The following LRP1B variants were observed in gnomAD, a reference collection of about 807,000 sequenced individuals.
The protein encoded by LRP1B is low-density lipoprotein receptor-related protein 1B.
In LRP1B, 217 loss-of-function variants were observed where a neutral mutation model predicts 556.6. That is an observed-to-expected ratio of 0.39 (90% CI 0.35 to 0.44). The LOEUF is 0.44. Among genes scored for constraint, LRP1B ranks in the 20% least tolerant of loss-of-function variants. The pLI, the probability that LRP1B is intolerant of heterozygous loss-of-function variation, is 1.00. For missense variants in LRP1B, 5,053 were observed against 5,620.8 expected, an observed-to-expected ratio of 0.90 and a Z score of 3.23; for synonymous variants, 2,047 against 1,865.8, an observed-to-expected ratio of 1.10 and a Z score of -2.50.
chr2:140,676,082 A>AT (rs1474763973), intron 41 of LRP1B, among the ~76,000 whole-genome samples: 1 of 152,216 alleles, frequency 6.6e-6, no homozygotes, highest in Non-Finnish European at 1.5e-5. Context: ...ACTGTATTAA[A>AT]TGTAAAACTA....
intron 2 of LRP1B, among the ~76,000 whole-genome samples, chr2:141,797,828 A>T (rs1695873816): frequency 6.6e-6 from 1 of 152,188 alleles, no homozygotes; most frequent in South Asian, 2.1e-4. Flanking sequence ...GAAAATATTT[A>T]CCTGGTCAGA....
chr2:141,745,178 A>G (rs1574312473), intron 2 of LRP1B, among the ~76,000 whole-genome samples: 1 of 151,906 alleles, frequency 6.6e-6, no homozygotes, highest in Non-Finnish European at 1.5e-5. Flanking sequence ...AAGGCCCACT[A>G]TAACCACTAC....
rs140125044 is a variant in LRP1B, at chr2:141,542,274, A to G, written c.206-61741T>C. Among the ~76,000 whole-genome samples, 323 of 152,114 alleles carry G rather than the reference A, an allele frequency of 2.1e-3. 1 individual carries two copies. The highest frequency in any genetic ancestry group is 7.5e-3 in the African/African-American group (313 of 41,572). On this transcript the variant is annotated intron_variant, in intron 2 of 90. Transcript: ENST00000389484. ...TCTAACTTTATTTTTAAGATTAAAT[A>G]AAGTAATTTAACTAAAAGAATTAGG... is the stretch of plus-strand genomic sequence containing the variant.
chr2:140,751,149 T>C (rs1426089500), intron 35 of LRP1B, among the ~76,000 whole-genome samples: 1 of 148,408 alleles, frequency 6.7e-6, no homozygotes, highest in East Asian at 2.0e-4. Context: ...CCTGCCATCA[T>C]GCCTGGCTAA....
chr2:141,288,146 C>T (rs1356814155), intron 3 of LRP1B, among the ~76,000 whole-genome samples: 1 of 151,868 alleles, frequency 6.6e-6, no homozygotes. Flanking sequence ...ATATATTATA[C>T]AGCTTGTAGA....
chr2:140,316,192 TGAGA>T (rs1176661768), intron 82 of LRP1B, among the ~76,000 whole-genome samples: 1 of 152,140 alleles, frequency 6.6e-6, no homozygotes, highest in South Asian at 2.1e-4. Context: ...CAAAACTGAT[TGAGA>T]AAGTTGTAAT....
At chr2:141,032,975 TGCATCACA>T (rs763350200) in intron 11 of LRP1B, among the ~76,000 whole-genome samples, 3 of 151,778 alleles carry the variant, frequency 2.0e-5, no homozygotes, top group Non-Finnish European at 4.4e-5. Context: ...CAACAAAAGA[TGCATCACA>T]GCAAGGGGCC....
intron 11 of LRP1B, among the ~76,000 whole-genome samples, chr2:141,048,376 T>A (rs1016617432): frequency 6.6e-5 from 10 of 152,254 alleles, no homozygotes; most frequent in African/African-American, 2.2e-4. Context: ...AAATAATTTA[T>A]AATATACATT....
At chr2:141,941,548 A>T (rs1315818527) in intron 1 of LRP1B, among the ~76,000 whole-genome samples, 1 of 152,142 alleles carries the variant, frequency 6.6e-6, no homozygotes, top group Admixed American at 6.6e-5. Context: ...TCTCTGAGAA[A>T]AAGTAGAGGT....
Position 140,776,225 on chromosome 2 carries a change from CCA to C in LRP1B, c.5371_5372del (p.Trp1791ValfsTer26). The C allele has an allele frequency of 1.3e-6, 2 of 1,589,328 alleles. No homozygotes were observed. The highest frequency in any genetic ancestry group is 1.7e-6 in the Non-Finnish European group (2 of 1,169,290). ...TALTIMDKKL[W>X]WADQNLAQLG... ...GCTGGGCTAAGTTTTGGTCTGCCCA[CCA>C]CAGTTTCTTATCTAGAAAAAGGAAA... On this transcript the variant is annotated frameshift_variant, in exon 33 of 91. Transcript: ENST00000389484. LOFTEE classifies it high-confidence loss of function.
At chr2:140,593,908 TGTAA>T (rs1682327591) in intron 43 of LRP1B, among the ~76,000 whole-genome samples, 1 of 152,178 alleles carries the variant, frequency 6.6e-6, no homozygotes, top group Non-Finnish European at 1.5e-5. Context: ...AAATATGAGT[TGTAA>T]GTGTGAGTTG....
At chr2:141,368,596 T>C (rs1559033452) in intron 3 of LRP1B, among the ~76,000 whole-genome samples, 1 of 152,246 alleles carries the variant, frequency 6.6e-6, no homozygotes, top group Admixed American at 6.5e-5. Context: ...GCATAATGGA[T>C]ACCTCACATG....
intron 2 of LRP1B, among the ~76,000 whole-genome samples, chr2:141,786,155 G>A (rs908352689): frequency 5.3e-5 from 8 of 151,928 alleles, no homozygotes; most frequent in African/African-American, 1.9e-4. Context: ...TTATATTCAT[G>A]TGAAAGAAGA....
intron 3 of LRP1B, among the ~76,000 whole-genome samples, chr2:141,460,006 T>C (rs898651049): frequency 6.6e-6 from 1 of 152,184 alleles, no homozygotes; most frequent in Non-Finnish European, 1.5e-5. Context: ...GTGTCTCATA[T>C]TGGTCTCAGA....
At chr2:140,611,061 C>G (rs1683056328) in intron 41 of LRP1B, among the ~76,000 whole-genome samples, 1 of 152,216 alleles carries the variant, frequency 6.6e-6, no homozygotes, top group African/African-American at 2.4e-5. Flanking sequence ...CACAAAGCTA[C>G]AGCCAATTAT....
intron 3 of LRP1B, among the ~76,000 whole-genome samples, chr2:141,344,986 G>A (rs1454942382): frequency 1.3e-5 from 2 of 152,148 alleles, no homozygotes; most frequent in African/African-American, 4.8e-5. Flanking sequence ...ACATTGAGAT[G>A]AAGAGATGAT....
intron 85 of LRP1B, among the ~76,000 whole-genome samples, chr2:140,274,148 T>G (rs1341885699): frequency 6.6e-6 from 1 of 151,988 alleles, no homozygotes; most frequent in Non-Finnish European, 1.5e-5. Context: ...ATGCCAGCAT[T>G]TCTTGCTTAC....
chr2:141,086,652 GTGTGTGTC>G (rs148927279), intron 7 of LRP1B, among the ~76,000 whole-genome samples: 2 of 129,818 alleles, frequency 1.5e-5, no homozygotes, highest in African/African-American at 5.3e-5. Flanking sequence ...GTGTGTGTGT[GTGTGTGTC>G]AGTCAAGAAC....
chr2:141,457,271 A>G (rs1681670251), intron 3 of LRP1B, among the ~76,000 whole-genome samples: 1 of 152,146 alleles, frequency 6.6e-6, no homozygotes, highest in Non-Finnish European at 1.5e-5. Context: ...AAGGTGACAT[A>G]ATTAAACAAG....
Sources: gnomAD v4.1 joint callset for allele counts (sites outside exome capture counted in the v4.1 genomes callset) on GRCh38, gnomAD v4.1.1 for gene constraint, MANE v1.5 for transcripts, NCBI Gene and HGNC (gene_info 2026-07-23, HGNC 2026-07-21) for gene names.